Variants in MCTP1 observed in about 807,000 individuals in gnomAD.
MCTP1 encodes multiple C2 and transmembrane domain containing 1.
Under a neutral mutation model 120.6 loss-of-function variants are expected in MCTP1, and 69 were observed. The observed-to-expected ratio is 0.57, with a 90% CI of 0.47 to 0.70. The LOEUF (loss-of-function observed/expected upper bound fraction) is 0.70, where lower values mean the gene tolerates loss of function less well. Ranked by LOEUF, MCTP1 falls within the 30% of genes least tolerant of loss-of-function variation. The pLI is 0.00. For synonymous variants in MCTP1, 529 were observed against 493.1 expected (o/e 1.07, Z -0.96); for missense variants, 1,203 against 1,248.8 (o/e 0.96, Z 0.55).
chr5:95,282,321 G>C (rs1389077820), intron 1 of MCTP1, among the ~76,000 whole-genome samples: 1 of 152,062 alleles, frequency 6.6e-6, no homozygotes, highest in African/African-American at 2.4e-5. Flanking sequence ...TCAGTGAACT[G>C]TAATGTGATT....
chr5:94,860,602 C>G (rs1262245079), intron 17 of MCTP1, among the ~76,000 whole-genome samples: 3 of 151,598 alleles, frequency 2.0e-5, no homozygotes, highest in Non-Finnish European at 4.4e-5. Context: ...ATATCATATG[C>G]GAACTACAGA....
intron 1 of MCTP1, among the ~76,000 whole-genome samples, chr5:95,233,319 G>A (rs1317404287): frequency 2.0e-5 from 3 of 151,094 alleles, no homozygotes; most frequent in East Asian, 1.9e-4. Flanking sequence ...GAAACTAAAT[G>A]GCATACTTCT....
intron 1 of MCTP1, among the ~76,000 whole-genome samples, chr5:95,250,080 A>C (rs868293072): frequency 6.6e-6 from 1 of 152,222 alleles, no homozygotes; most frequent in Admixed American, 6.5e-5. Flanking sequence ...TGGGTACAGC[A>C]AACCAACATG....
intron 19 of MCTP1, among the ~76,000 whole-genome samples, chr5:94,771,852 T>C (rs1289209733): frequency 6.6e-6 from 1 of 152,212 alleles, no homozygotes. Context: ...TACCATTCCA[T>C]AGGTCAGAAG....
intron 17 of MCTP1, among the ~76,000 whole-genome samples, chr5:94,829,163 G>A (rs1197629399): frequency 1.3e-5 from 2 of 152,166 alleles, no homozygotes; most frequent in Non-Finnish European, 2.9e-5. Flanking sequence ...TAGTATCTGG[G>A]CCAGAATGCA....
At chr5:94,762,190 T>G (rs1771519465) in intron 19 of MCTP1, among the ~76,000 whole-genome samples, 1 of 152,228 alleles carries the variant, frequency 6.6e-6, no homozygotes, top group African/African-American at 2.4e-5. Flanking sequence ...AGACTAAAGT[T>G]TATAAAGTCT....
intron 2 of MCTP1, among the ~76,000 whole-genome samples, chr5:94,973,075 A>G (rs1225113264): frequency 6.6e-6 from 1 of 152,210 alleles, no homozygotes; most frequent in East Asian, 1.9e-4. Flanking sequence ...CAAAGGAGGC[A>G]TCTAATAAAT....
chr5:95,049,948 A>G (rs139840158), intron 1 of MCTP1, among the ~76,000 whole-genome samples: 1 of 152,240 alleles, frequency 6.6e-6, no homozygotes, highest in African/African-American at 2.4e-5. Context: ...TTAACATTTG[A>G]CTAACACCTT....
At chr5:95,266,526 C>T (rs1758899003) in intron 1 of MCTP1, among the ~76,000 whole-genome samples, 1 of 152,212 alleles carries the variant, frequency 6.6e-6, no homozygotes, top group Non-Finnish European at 1.5e-5. Context: ...TTTACTTGGT[C>T]ATGACTCCAG....
intron 1 of MCTP1, among the ~76,000 whole-genome samples, chr5:95,134,109 T>C (rs1320980522): frequency 1.3e-5 from 2 of 152,218 alleles, no homozygotes; most frequent in African/African-American, 2.4e-5. Flanking sequence ...TTTAATACCA[T>C]AGGATGCTTC....
intron 1 of MCTP1, among the ~76,000 whole-genome samples, chr5:95,231,920 G>A (rs1252970307): frequency 6.6e-6 from 1 of 152,134 alleles, no homozygotes; most frequent in African/African-American, 2.4e-5. Context: ...TAGCTGTAGA[G>A]TATAAAACCT....
intron 19 of MCTP1, among the ~76,000 whole-genome samples, chr5:94,757,124 C>T (rs561047910): frequency 1.3e-5 from 2 of 152,104 alleles, no homozygotes; most frequent in Admixed American, 6.5e-5. Flanking sequence ...AATGAGATAA[C>T]GCACATCAAG....
chr5:94,899,484 C>T (rs1804933573), intron 10 of MCTP1, among the ~76,000 whole-genome samples: 1 of 152,216 alleles, frequency 6.6e-6, no homozygotes, highest in East Asian at 1.9e-4. Context: ...TGCATCCAGG[C>T]CTAGCCGCCA....
chr5:94,798,963 G>T (rs1416587427), intron 18 of MCTP1, 50 bp downstream of exon 18: 8 of 1,572,556 alleles, frequency 5.1e-6, no homozygotes, highest in East Asian at 2.3e-5. Flanking sequence ...TTGTCAGAGG[G>T]ACTCAGAATA....
At chr5:95,240,440 C>G (rs1417994441) in intron 1 of MCTP1, among the ~76,000 whole-genome samples, 2 of 152,176 alleles carry the variant, frequency 1.3e-5, no homozygotes, top group Admixed American at 6.5e-5. Flanking sequence ...TGCTCTTGAG[C>G]TTTCAAAGGC....
chr5:95,252,048 G>C (rs1467145137), intron 1 of MCTP1, among the ~76,000 whole-genome samples: 2 of 152,028 alleles, frequency 1.3e-5, no homozygotes, highest in African/African-American at 4.8e-5. Flanking sequence ...AGATTACAAA[G>C]ACAGAAAGAA....
intron 17 of MCTP1, among the ~76,000 whole-genome samples, chr5:94,831,946 G>C (rs1788601422): frequency 6.6e-6 from 1 of 152,142 alleles, no homozygotes; most frequent in Non-Finnish European, 1.5e-5. Flanking sequence ...ATAATATTCA[G>C]GCTAGAGAGG....
chr5:95,129,801 C>T (rs1478967391), intron 1 of MCTP1, among the ~76,000 whole-genome samples: 1 of 152,150 alleles, frequency 6.6e-6, no homozygotes, highest in Non-Finnish European at 1.5e-5. Flanking sequence ...GCTGGGATTA[C>T]AGGCACCTGC....
chr5:95,218,131 G>A (rs1202378136), intron 1 of MCTP1, among the ~76,000 whole-genome samples: 2 of 152,154 alleles, frequency 1.3e-5, no homozygotes, highest in Admixed American at 6.5e-5. Flanking sequence ...GAACTTCAAG[G>A]AATTTCTAGT....
Sources: allele counts gnomAD v4.1 joint callset (sites outside exome capture counted in the v4.1 genomes callset), GRCh38; gene constraint gnomAD v4.1.1; transcripts MANE v1.5; gene names NCBI Gene and HGNC (gene_info 2026-07-23, HGNC 2026-07-21).